The following LRRTM4 variants were observed in gnomAD, a reference collection of about 807,000 sequenced individuals.
LRRTM4 encodes leucine rich repeat transmembrane neuronal 4, also known as leucine-rich repeat transmembrane neuronal protein 4.
In LRRTM4, 25 loss-of-function variants were observed where a neutral mutation model predicts 47.6. That is an observed-to-expected ratio of 0.53 (90% CI 0.38 to 0.73). The LOEUF (loss-of-function observed/expected upper bound fraction) is 0.73. LRRTM4 is among the 30% of genes least tolerant of loss of function. LRRTM4 has a pLI of 0.00. For missense variants in LRRTM4, 638 were observed against 713.4 expected (o/e 0.89, Z 1.20); for synonymous variants, 311 against 269.5 (o/e 1.15, Z -1.51).
intron 3 of LRRTM4, among the ~76,000 whole-genome samples, chr2:77,473,659 C>T (rs1360915054): frequency 6.6e-6 from 1 of 152,122 alleles, no homozygotes; most frequent in Non-Finnish European, 1.5e-5. Context: ...GTCACATTGA[C>T]TTAATTGTTT....
chr2:77,164,400 A>AT (rs1473665466), intron 3 of LRRTM4, among the ~76,000 whole-genome samples: 1 of 152,146 alleles, frequency 6.6e-6, no homozygotes, highest in Non-Finnish European at 1.5e-5. Flanking sequence ...AGACAGATCA[A>AT]CAGACAGAAA....
chr2:76,820,837 T>C (rs1373494643), intron 3 of LRRTM4, among the ~76,000 whole-genome samples: 3 of 151,880 alleles, frequency 2.0e-5, no homozygotes, highest in South Asian at 2.1e-4. Context: ...TCCAAAATCA[T>C]TGAGGCGCAA....
intron 3 of LRRTM4, among the ~76,000 whole-genome samples, chr2:77,484,044 A>C (rs1239010359): frequency 6.6e-6 from 1 of 152,208 alleles, no homozygotes; most frequent in East Asian, 1.9e-4. Flanking sequence ...TTGTTGTGTT[A>C]CCATTAGATA....
At chr2:77,130,327 C>T (rs981129243) in intron 3 of LRRTM4, among the ~76,000 whole-genome samples, 15 of 152,044 alleles carry the variant, frequency 9.9e-5, no homozygotes, top group Admixed American at 2.6e-4. Flanking sequence ...TTCTTTCCTC[C>T]AGAATGGTGG....
At chr2:77,027,368 G>A (rs1678490917) in intron 3 of LRRTM4, among the ~76,000 whole-genome samples, 1 of 151,948 alleles carries the variant, frequency 6.6e-6, no homozygotes, top group Non-Finnish European at 1.5e-5. Context: ...AATAGCCTAT[G>A]TAGTAGAATG....
intron 3 of LRRTM4, among the ~76,000 whole-genome samples, chr2:77,156,707 C>CTT (rs550760078): frequency 9.5e-5 from 13 of 136,176 alleles, no homozygotes; most frequent in South Asian, 2.4e-4. Flanking sequence ...GAGCCTTCAA[C>CTT]TTTTTTTTTT....
chr2:76,758,475 A>T (rs1673142231), intron 3 of LRRTM4, among the ~76,000 whole-genome samples: 1 of 152,164 alleles, frequency 6.6e-6, no homozygotes, highest in Admixed American at 6.6e-5. Flanking sequence ...GTACAAATGT[A>T]ACTTCTTGGA....
chr2:77,141,724 C>T (rs1672128495), intron 3 of LRRTM4, among the ~76,000 whole-genome samples: 1 of 152,146 alleles, frequency 6.6e-6, no homozygotes, highest in South Asian at 2.1e-4. Context: ...AAAACCATGA[C>T]ATTTGTTACT....
At chr2:77,511,558 C>T (rs1049778074) in intron 3 of LRRTM4, among the ~76,000 whole-genome samples, 4 of 151,590 alleles carry the variant, frequency 2.6e-5, no homozygotes, top group African/African-American at 7.3e-5. Flanking sequence ...TTATTTTAAG[C>T]AAGTTTGCTA....
At chr2:77,253,315 T>C (rs1390811214) in intron 3 of LRRTM4, among the ~76,000 whole-genome samples, 4 of 152,116 alleles carry the variant, frequency 2.6e-5, no homozygotes. Context: ...TTGGACCTAG[T>C]AGAGAGTCAG....
At chr2:77,018,965 T>C (rs925713995) in intron 3 of LRRTM4, among the ~76,000 whole-genome samples, 12 of 152,092 alleles carry the variant, frequency 7.9e-5, no homozygotes, top group African/African-American at 2.9e-4. Context: ...TTATTTTCAT[T>C]TAGCCCATTA....
In LRRTM4 at chr2:77,179,458, A is replaced by G. The variant is rs150841115; in HGVS notation, c.1551+338860T>C. ...GTTGCTTGGGCTTTTGCTGAATAATATTATGTGAGGTTTAGTAATCGTTTG... is the reference window on the plus strand; with the variant it reads ...GTTGCTTGGGCTTTTGCTGAATAATGTTATGTGAGGTTTAGTAATCGTTTG... On this transcript the variant is annotated intron_variant, in intron 3 of 3. Coordinates refer to ENST00000409884, the MANE Select transcript of LRRTM4 (RefSeq NM_001134745.3). 2.0e-3 allele frequency among the ~76,000 whole-genome samples: 305 copies of G among 152,218 alleles called. 1 individual carries two copies. Among genetic ancestry groups the G allele is most frequent in the South Asian group, 4.1e-3 (20 of 4,826 alleles).
chr2:77,103,627 A>G (rs1009673574), intron 3 of LRRTM4, among the ~76,000 whole-genome samples: 1 of 147,014 alleles, frequency 6.8e-6, no homozygotes. Context: ...GTAATTCAGG[A>G]GAGTGTTATA....
intron 3 of LRRTM4, among the ~76,000 whole-genome samples, chr2:77,464,588 T>C (rs1676912541): frequency 6.6e-6 from 1 of 152,094 alleles, no homozygotes; most frequent in Non-Finnish European, 1.5e-5. Context: ...GCTGTGCACA[T>C]TTCAAAGGCT....
chr2:76,968,340 GTATATATATATATA>G (rs61103340), intron 3 of LRRTM4, among the ~76,000 whole-genome samples: 1,442 of 76,668 alleles, frequency 0.019, 53 homozygotes, highest in African/African-American at 0.057. Context: ...GTGTATGTGT[GTATATATATATATA>G]TATATATATA....
intron 3 of LRRTM4, among the ~76,000 whole-genome samples, chr2:76,830,913 T>G (rs1262456408): frequency 6.6e-6 from 1 of 151,972 alleles, no homozygotes; most frequent in Non-Finnish European, 1.5e-5. Flanking sequence ...AATATGAAAA[T>G]ATAAACAATG....
chr2:76,937,815 C>T (rs1314387759), intron 3 of LRRTM4, among the ~76,000 whole-genome samples: 1 of 152,098 alleles, frequency 6.6e-6, no homozygotes, highest in African/African-American at 2.4e-5. Flanking sequence ...ATCCGCCCAC[C>T]TCAGGCTCCC....
At chr2:77,001,232 G>T (rs568286298) in intron 3 of LRRTM4, among the ~76,000 whole-genome samples, 1 of 152,168 alleles carries the variant, frequency 6.6e-6, no homozygotes, top group Non-Finnish European at 1.5e-5. Flanking sequence ...AAAAAAGTAA[G>T]GCCCAAAGAG....
chr2:76,959,641 A>G (rs889932739), intron 3 of LRRTM4, among the ~76,000 whole-genome samples: 17 of 151,712 alleles, frequency 1.1e-4, no homozygotes, highest in Admixed American at 9.9e-4. Flanking sequence ...TTTTCATGAA[A>G]TATGTGCAAA....
Sources: allele counts gnomAD v4.1 joint callset (sites outside exome capture counted in the v4.1 genomes callset), GRCh38; gene constraint gnomAD v4.1.1; transcripts MANE v1.5; gene names NCBI Gene and HGNC (gene_info 2026-07-23, HGNC 2026-07-21).